The following MTUS2 variants were observed in gnomAD, a reference collection of about 807,000 sequenced individuals.
The protein encoded by MTUS2 is microtubule associated scaffold protein 2.
A neutral mutation model predicts 114.1 loss-of-function variants in MTUS2; 40 were observed. That is an observed-to-expected ratio of 0.35 (90% CI 0.27 to 0.46). MTUS2 has a LOEUF of 0.46. Among genes scored for constraint, MTUS2 ranks in the 20% least tolerant of loss-of-function variants. The pLI is 1.00. For synonymous variants in MTUS2, 688 were observed against 672.0 expected (o/e 1.02, Z -0.37); for missense variants, 1,679 against 1,705.4 (o/e 0.98, Z 0.27).
chr13:29,180,773 G>T (rs1190927866), intron 5 of MTUS2, among the ~76,000 whole-genome samples: 1 of 152,166 alleles, frequency 6.6e-6, no homozygotes, highest in Non-Finnish European at 1.5e-5. Context: ...ATGGGATTTG[G>T]CTCTTACAAG....
At chr13:29,212,740 A>G (rs1895499148) in intron 5 of MTUS2, among the ~76,000 whole-genome samples, 1 of 152,294 alleles carries the variant, frequency 6.6e-6, no homozygotes, top group African/African-American at 2.4e-5. Flanking sequence ...AGGGGTCCTG[A>G]GTGTGGGAGC....
rs191808009 is a variant in MTUS2 at position 28,841,726 on chromosome 13, G to A, written c.-243+1876G>A. Reference sequence around the variant, plus strand: ...TTTTGATACGGAGTCTCACTCTGTCGCCCAGGTTGGAGTGCAGCGGCGTGA... The same window carrying A: ...TTTTGATACGGAGTCTCACTCTGTCACCCAGGTTGGAGTGCAGCGGCGTGA... On this transcript the variant is annotated intron_variant, in intron 2 of 15. Coordinates refer to ENST00000612955, the MANE Select transcript of MTUS2 (RefSeq NM_001033602.4). Among the ~76,000 whole-genome samples, 332 of 150,836 alleles carry A rather than the reference G, an allele frequency of 2.2e-3. 2 individuals are homozygous for A. Among genetic ancestry groups the A allele is most frequent in the African/African-American group, 7.9e-3 (323 of 41,072 alleles).
chr13:28,965,607 C>T (rs112450398), intron 2 of MTUS2, among the ~76,000 whole-genome samples: 1 of 152,032 alleles, frequency 6.6e-6, no homozygotes. Flanking sequence ...CACATATATA[C>T]ATATATGTGT....
intron 4 of MTUS2, among the ~76,000 whole-genome samples, chr13:29,087,395 G>A (rs535134222): frequency 2.6e-5 from 4 of 152,232 alleles, no homozygotes; most frequent in South Asian, 4.2e-4. Context: ...TTATGTGGTC[G>A]ATCACAATTA....
intron 8 of MTUS2, among the ~76,000 whole-genome samples, chr13:29,436,671 G>A (rs1019314552): frequency 1.3e-5 from 2 of 151,964 alleles, no homozygotes. Context: ...GGGTGGATGG[G>A]GTCATTTTCA....
chr13:28,935,311 A>G (rs1037199401), intron 2 of MTUS2, among the ~76,000 whole-genome samples: 4 of 152,138 alleles, frequency 2.6e-5, no homozygotes, highest in Non-Finnish European at 5.9e-5. Context: ...TTGCTGAGTC[A>G]TAGGATGTAC....
At chr13:29,483,010 G>A (rs1196097020) in intron 10 of MTUS2, among the ~76,000 whole-genome samples, 1 of 152,194 alleles carries the variant, frequency 6.6e-6, no homozygotes, top group Non-Finnish European at 1.5e-5. Context: ...AGTGGGAGAG[G>A]AGACTCAAGG....
intron 4 of MTUS2, among the ~76,000 whole-genome samples, chr13:29,088,194 T>C (rs1889783569): frequency 6.6e-6 from 1 of 152,194 alleles, no homozygotes; most frequent in Non-Finnish European, 1.5e-5. Context: ...TTCATTAGTT[T>C]CAAAGACTTT....
intron 7 of MTUS2, among the ~76,000 whole-genome samples, chr13:29,356,818 TG>T (rs1378059370): frequency 2.6e-5 from 4 of 152,200 alleles, no homozygotes; most frequent in Non-Finnish European, 5.9e-5. Context: ...GTCTTAGCAC[TG>T]GTGCCGGAGC....
At chr13:29,318,798 C>A (rs531128752) in intron 6 of MTUS2, among the ~76,000 whole-genome samples, 4 of 152,292 alleles carry the variant, frequency 2.6e-5, no homozygotes, top group African/African-American at 7.2e-5. Flanking sequence ...CTGAGACACT[C>A]TCTATGGATT....
rs376056025 is a variant in MTUS2 at position 29,391,487 on chromosome 13, G to A, written c.3117+32014G>A. Among the ~76,000 whole-genome samples the A allele has an allele frequency of 7.2e-5, 11 of 152,308 alleles. No individual in the cohort carries two copies. In the South Asian group the frequency reaches 2.3e-3, roughly 32 times the overall value. ...ATTCCACTGGAGTAAGGAGCTGCAT[G>A]TAATGCCCAGAAGGAGAAGTCAAAT... On this transcript the variant is annotated intron_variant, in intron 8 of 15. Transcript: ENST00000612955.
At chr13:28,852,957 A>ATACG (rs1246657995) in intron 2 of MTUS2, among the ~76,000 whole-genome samples, 3 of 129,362 alleles carry the variant, frequency 2.3e-5, no homozygotes, top group Non-Finnish European at 5.1e-5. Context: ...AAATACATAC[A>ATACG]TACATACATA....
chr13:29,500,997 G>T, intron 14 of MTUS2, 100 bp from the exon 15 acceptor site: 1 of 851,614 alleles, frequency 1.2e-6, no homozygotes, highest in East Asian at 2.5e-5. Flanking sequence ...TTTGCAAAAT[G>T]CTGTTCTTGA....
chr13:29,230,310 C>T (rs569295544), intron 5 of MTUS2, among the ~76,000 whole-genome samples: 1 of 151,940 alleles, frequency 6.6e-6, no homozygotes, highest in African/African-American at 2.4e-5. Context: ...GAACAAGGAC[C>T]ATTAAATAAC....
At chr13:28,987,980 A>G (rs1030276554) in intron 2 of MTUS2, among the ~76,000 whole-genome samples, 4 of 152,248 alleles carry the variant, frequency 2.6e-5, no homozygotes, top group Non-Finnish European at 5.9e-5. Flanking sequence ...TGGCTGTGCA[A>G]TAGAATCCTA....
chr13:28,874,876 A>G (rs1877839455), intron 2 of MTUS2, among the ~76,000 whole-genome samples: 1 of 152,286 alleles, frequency 6.6e-6, no homozygotes, highest in African/African-American at 2.4e-5. Flanking sequence ...TTTTGTTTGA[A>G]GTAGATTCCC....
intron 5 of MTUS2, among the ~76,000 whole-genome samples, chr13:29,279,828 T>A (rs768037930): frequency 6.6e-6 from 1 of 152,238 alleles, no homozygotes; most frequent in Non-Finnish European, 1.5e-5. Context: ...AAGAGAATGA[T>A]GCCAGATGCA....
chr13:29,199,276 A>G (rs1024939884), intron 5 of MTUS2, among the ~76,000 whole-genome samples: 5 of 152,202 alleles, frequency 3.3e-5, no homozygotes, highest in Admixed American at 2.6e-4. Flanking sequence ...CTGGTTTTCA[A>G]AGGAAATGCT....
At chr13:29,486,142 G>T (rs1881600163) in intron 10 of MTUS2, among the ~76,000 whole-genome samples, 1 of 152,154 alleles carries the variant, frequency 6.6e-6, no homozygotes, top group Admixed American at 6.5e-5. Context: ...CTCCTGGTGG[G>T]TTCATAGCTC....
Sources: allele counts gnomAD v4.1 joint callset (sites outside exome capture counted in the v4.1 genomes callset), GRCh38; gene constraint gnomAD v4.1.1; transcripts MANE v1.5; gene names NCBI Gene and HGNC (gene_info 2026-07-23, HGNC 2026-07-21).